NPHP3: variants seen among roughly 807,000 people sequenced by gnomAD.
NPHP3 encodes nephrocystin-3.
Under a neutral mutation model 171.9 loss-of-function variants are expected in NPHP3, and 123 were observed. The observed-to-expected ratio is 0.72, with a 90% confidence interval of 0.62 to 0.83. The LOEUF is 0.83. NPHP3 is among the 40% of genes least tolerant of loss of function. NPHP3 has a pLI of 0.00. For synonymous variants in NPHP3, 558 were observed against 579.2 expected (o/e 0.96, Z 0.52); for missense variants, 1,506 against 1,591.9 (o/e 0.95, Z 0.92).
chr3:132,688,836 T>A lies in NPHP3; in HGVS notation c.2939A>T (p.Asp980Val). Residue 980 changes from aspartate to valine, a missense_variant, in exon 21 of 27, where the codon GAT (aspartate) becomes GTT (valine). Physicochemically the swap from Asp to Val is radical, Grantham distance 152. Around this residue, in one of 3 missense-constraint regions of NPHP3, gnomAD observed 569 missense variants for 648.1 expected, o/e 0.88. Coordinates refer to ENST00000337331, the MANE Select transcript of NPHP3 (RefSeq NM_153240.5). ...GAGGGACTGGGCTACTCTTGGGTGA[T>A]CGGGATCTAAAGCTGTTTCTCGAAT... ...LEIRETALDP[D>V]HPRVAQSLHQ... The A allele has an allele frequency of 6.2e-7, 1 of 1,614,106 alleles. No individual in the cohort carries two copies. The highest frequency in any genetic ancestry group is 8.5e-7 in the Non-Finnish European group (1 of 1,179,994).
chr3:132,713,151 A>C lies in NPHP3; in HGVS notation c.1093T>G (p.Leu365Val). 1 of 1,483,526 alleles carries C rather than the reference A, an allele frequency of 6.7e-7. No homozygotes were observed. Among genetic ancestry groups the C allele is most frequent in the Non-Finnish European group, 9.3e-7 (1 of 1,074,996 alleles). The allele number at this position is 1,483,526 out of a possible 1,614,324, so 91.9% of individuals were successfully genotyped here. Residue 365 changes from leucine (L) to valine (V), a missense_variant, in exon 6 of 27, where the codon TTA (leucine) becomes GTA (valine). By Grantham distance (32) the Leu-to-Val change is conservative. Around this residue, in one of 3 missense-constraint regions of NPHP3, gnomAD observed 930 missense variants for 924.9 expected, o/e 1.01. Transcript: ENST00000337331. ...CTTGGTAATGTTAAGTGAATAAATA[A>C]AATAACTAAAGAACTTTTCTCAATT... Reference protein sequence around the residue: ...WEIEKSSLVILFIHLTLPSLL... With the variant: ...WEIEKSSLVIVFIHLTLPSLL...
At chr3:132,707,027 G>A (rs1939773413) in intron 7 of NPHP3, among the ~76,000 whole-genome samples, 1 of 152,084 alleles carries the variant, frequency 6.6e-6, no homozygotes, top group African/African-American at 2.4e-5. Flanking sequence ...TTTCTTGGCT[G>A]GGCACAGGGA....
intron 17 of NPHP3, 85 bp downstream of exon 17, chr3:132,692,569 T>C: frequency 1.7e-6 from 2 of 1,143,186 alleles, no homozygotes; most frequent in Admixed American, 1.9e-5. Context: ...GCAGAAATAA[T>C]CTTGCCACTG....
chr3:132,707,904 A>G (rs954282491), intron 7 of NPHP3, among the ~76,000 whole-genome samples, 197 bp downstream of exon 7: 19 of 152,058 alleles, frequency 1.2e-4, no homozygotes, highest in Admixed American at 1.2e-3. Context: ...GTGAAAAGCT[A>G]ATATCCTCAA....
At chr3:132,708,007 C>A in intron 7 of NPHP3, 94 bp downstream of exon 7, 1 of 1,209,182 alleles carries the variant, frequency 8.3e-7, no homozygotes, top group Non-Finnish European at 1.2e-6. Flanking sequence ...TCTCTCCCCT[C>A]CCCAGATATG....
At chr3:132,710,313 A>G (rs1377570584) in intron 6 of NPHP3, among the ~76,000 whole-genome samples, 4 of 152,016 alleles carry the variant, frequency 2.6e-5, no homozygotes, top group African/African-American at 9.7e-5. Context: ...CCACTTGCCT[A>G]AATTCTATAA....
Position 132,686,201 on chromosome 3 carries a change from A to G in NPHP3, c.3329+59T>C, listed in dbSNP as rs538227295. 1.0e-5 allele frequency: 16 copies of G among 1,558,674 alleles called. No homozygotes were observed. The African/African-American group carries it at 1.2e-4, about 12-fold the overall frequency. The stretch of plus-strand genomic sequence containing the variant: ...TTTAGACTTGACAAAAATGTAAAAC[A>G]GCATTGCATCAAAGAGAAAATGGTT... On this transcript the variant is annotated intron_variant, in intron 23 of 26. Transcript: ENST00000337331.
intron 3 of NPHP3, chr3:132,717,380 C>A (rs1560016462): frequency 1.9e-5 from 3 of 160,762 alleles, no homozygotes; most frequent in Non-Finnish European, 2.7e-5. Context: ...CCTAGAGCAA[C>A]AAAATTAATG....
At chr3:132,690,409 C>T (rs1939269228) in intron 19 of NPHP3, 119 bp downstream of exon 19, 6 of 933,660 alleles carry the variant, frequency 6.4e-6, no homozygotes, top group African/African-American at 1.7e-5. Context: ...TTCTCCTACA[C>T]TATTTGTATT....
intron 7 of NPHP3, among the ~76,000 whole-genome samples, chr3:132,706,291 G>A (rs1278744977): frequency 2.6e-5 from 4 of 151,376 alleles, no homozygotes; most frequent in Admixed American, 6.6e-5. Context: ...CCCGGGAGGC[G>A]GAGCTTGGAG....
chr3:132,706,340 C>T (rs533321557), intron 7 of NPHP3, among the ~76,000 whole-genome samples: 5 of 142,400 alleles, frequency 3.5e-5, no homozygotes, highest in African/African-American at 1.3e-4. Context: ...GCCTGGAAGA[C>T]AGAGTAAGAC....
chr3:132,710,171 A>G (rs1247899088), intron 6 of NPHP3, among the ~76,000 whole-genome samples: 1 of 152,166 alleles, frequency 6.6e-6, no homozygotes, highest in African/African-American at 2.4e-5. Flanking sequence ...TCCCTTCAGA[A>G]AGTAGCCTGA....
At position 132,688,766 on chromosome 3, in the gene NPHP3, A is replaced by G. The variant is rs372990521; in HGVS notation, c.3009T>C (p.Asn1003=). 8 of 1,614,022 alleles carry G rather than the reference A, an allele frequency of 5.0e-6. No individual in the cohort carries two copies. The highest frequency in any genetic ancestry group is 2.7e-5 in the African/African-American group (2 of 74,912). Residue 1003 remains asparagine, a synonymous_variant, in exon 21 of 27, where the codon AAT becomes AAC. Coordinates refer to ENST00000337331, the MANE Select transcript of NPHP3 (RefSeq NM_153240.5). ...ACGCCTGTTTATACAGTTGTTCTGC[A>G]TTGCCAAACTTCTTCCACTGCACGT... ...SVYVQWKKFG[N]AEQLYKQALE...
chr3:132,710,209 C>T (rs947552197), intron 6 of NPHP3, among the ~76,000 whole-genome samples: 6 of 152,078 alleles, frequency 3.9e-5, no homozygotes, highest in African/African-American at 1.2e-4. Context: ...GGAGGAGCTG[C>T]AAGAGAAGAT....
chr3:132,705,850 C>T, intron 7 of NPHP3, 36 bp from the exon 8 acceptor site: 1 of 1,127,186 alleles, frequency 8.9e-7, no homozygotes, highest in Non-Finnish European at 1.3e-6. Context: ...TGAGAAAAAC[C>T]ATAATATCAG....
At chr3:132,689,287 T>A (rs769681155) in intron 19 of NPHP3, 24 bp from the exon 20 acceptor site, 1 of 1,611,188 alleles carries the variant, frequency 6.2e-7, no homozygotes, top group Non-Finnish European at 8.5e-7. Flanking sequence ...TAACAGTACT[T>A]TAATGAAAAA....
chr3:132,713,096 T>A (rs765103912), intron 6 of NPHP3, 30 bp downstream of exon 6: 257 of 1,241,226 alleles, frequency 2.1e-4, no homozygotes, highest in Non-Finnish European at 2.4e-4. Context: ...GTTTACTGCT[T>A]ATAATAAATT....
intron 5 of NPHP3, 105 bp downstream of exon 5, chr3:132,714,980 A>T: frequency 3.2e-6 from 3 of 923,826 alleles, no homozygotes; most frequent in Non-Finnish European, 5.1e-6. Context: ...AAGACATATA[A>T]TCTAGTAGGA....
chr3:132,687,086 T>C (rs773008157), intron 22 of NPHP3, 65 bp downstream of exon 22: 16 of 774,170 alleles, frequency 2.1e-5, no homozygotes, highest in Non-Finnish European at 3.5e-5. Flanking sequence ...ATGTGGGGTG[T>C]ATGCATTTAT....
Sources: allele counts gnomAD v4.1 joint callset (sites outside exome capture counted in the v4.1 genomes callset), GRCh38; gene constraint gnomAD v4.1.1; regional missense constraint gnomAD v4.1.1; transcripts MANE v1.5; gene names NCBI Gene and HGNC (gene_info 2026-07-23, HGNC 2026-07-21).